Variants in DYNC2I2 observed in about 807,000 individuals in gnomAD.
The protein encoded by DYNC2I2 is cytoplasmic dynein 2 intermediate chain 2.
In DYNC2I2, 39 loss-of-function variants were observed where a neutral mutation model predicts 52.0. The observed-to-expected ratio is 0.75, with a 90% CI of 0.58 to 0.98. The LOEUF (loss-of-function observed/expected upper bound fraction) is 0.98. Among genes scored for constraint, DYNC2I2 ranks in the 50% least tolerant of loss-of-function variants. The pLI is 0.00. For missense variants in DYNC2I2, 743 were observed against 728.4 expected (o/e 1.02, Z -0.23); for synonymous variants, 359 against 321.1 (o/e 1.12, Z -1.26).
At chr9:128,638,895 T>C (rs1860461490) in intron 2 of DYNC2I2, among the ~76,000 whole-genome samples, 1 of 152,192 alleles carries the variant, frequency 6.6e-6, no homozygotes, top group Non-Finnish European at 1.5e-5. Flanking sequence ...ACAACACGCA[T>C]GAACCTATTA....
At chr9:128,657,235 A>G (rs1293700407), upstream of DYNC2I2, among the ~76,000 whole-genome samples, 1 of 152,166 alleles carries the variant, frequency 6.6e-6, no homozygotes, top group Non-Finnish European at 1.5e-5. Flanking sequence ...AAATATTCCT[A>G]CGGAGATCCT....
At chr9:128,647,268 G>A (rs539934204) in intron 1 of DYNC2I2, among the ~76,000 whole-genome samples, 11 of 152,174 alleles carry the variant, frequency 7.2e-5, no homozygotes, top group African/African-American at 1.4e-4. Context: ...TCCATACCCC[G>A]CCACCATGCC....
the DYNC2I2 span, among the ~76,000 whole-genome samples, chr9:128,668,161 ATGT>A: frequency 1.3e-5 from 2 of 151,590 alleles, no homozygotes; most frequent in Non-Finnish European, 2.9e-5. Context: ...GGGTTTCATC[ATGT>A]TGGCCAGGAT....
intron 2 of DYNC2I2, among the ~76,000 whole-genome samples, chr9:128,639,650 A>G (rs1860473951): frequency 1.3e-5 from 2 of 151,798 alleles, no homozygotes; most frequent in African/African-American, 4.8e-5. Flanking sequence ...ACTACCTCAT[A>G]CAGTTTTTTT....
In DYNC2I2 at chr9:128,640,776, G is replaced by A. The variant is rs905345801; in HGVS notation, c.350C>T (p.Ala117Val). Residue 117 changes from alanine (A) to valine (V), a missense_variant, in exon 2 of 9, where the codon GCC becomes GTC. Physicochemically the swap from Ala to Val is moderately conservative, Grantham distance 64 (BLOSUM62 0). Transcript: ENST00000372715. Reference sequence around the variant, plus strand: ...CTTGTTCAGCTCTCGGATGACCATGGCCTCCACTCTCCGAAGAAAGGCTGC... The same window carrying A: ...CTTGTTCAGCTCTCGGATGACCATGACCTCCACTCTCCGAAGAAAGGCTGC... Reference protein sequence around the residue: ...RLAAFLRRVEAMVIRELNKNW... With the variant: ...RLAAFLRRVEVMVIRELNKNW... 2 of 1,614,168 alleles carry A rather than the reference G, an allele frequency of 1.2e-6. No individual in the cohort carries two copies. The highest frequency in any genetic ancestry group is 1.7e-6 in the Non-Finnish European group (2 of 1,180,054).
the DYNC2I2 span, among the ~76,000 whole-genome samples, chr9:128,677,135 A>G: frequency 1.3e-5 from 2 of 151,784 alleles, no homozygotes; most frequent in South Asian, 4.2e-4. Context: ...GGCGTGAGCC[A>G]CCATGCCCAG....
In DYNC2I2 at chr9:128,633,964, T is replaced by TCAAA; in HGVS notation, c.1387_1390dup (p.Asp464ValfsTer2). On this transcript the variant is annotated stop_gained and frameshift_variant, in exon 9 of 9. Coordinates refer to ENST00000372715, the MANE Select transcript of DYNC2I2 (RefSeq NM_052844.4). LOFTEE classifies it high-confidence loss of function. ...GGGTTTCTGGGAGCTTTTCTGGAGA[T>TCAAA]CAAACAGCTGCACGTCACCTGCAAA... 1 of 1,612,912 alleles carries TCAAA rather than the reference T, an allele frequency of 6.2e-7. No homozygotes were observed. Among genetic ancestry groups the TCAAA allele is most frequent in the Non-Finnish European group, 8.5e-7 (1 of 1,180,012 alleles).
chr9:128,684,425 C>G, the DYNC2I2 span, among the ~76,000 whole-genome samples: 4 of 152,152 alleles, frequency 2.6e-5, no homozygotes, highest in African/African-American at 9.7e-5. Context: ...CGGCGGCCCA[C>G]AACTCTGGCC....
chr9:128,666,771 A>AG, the DYNC2I2 span, among the ~76,000 whole-genome samples: 16 of 151,944 alleles, frequency 1.1e-4, no homozygotes, highest in South Asian at 3.3e-3. Context: ...AAAAAAAAAA[A>AG]AAGAAGATAA....
chr9:128,667,016 T>C, the DYNC2I2 span, among the ~76,000 whole-genome samples: 1 of 151,706 alleles, frequency 6.6e-6, no homozygotes, highest in African/African-American at 2.4e-5. Flanking sequence ...CTGGCCAACA[T>C]GGTGAAACCC....
In DYNC2I2 at chr9:128,634,789, T is replaced by C. The variant is rs1589428189; in HGVS notation, c.1114A>G (p.Thr372Ala). 2 of 1,611,752 alleles carry C rather than the reference T, an allele frequency of 1.2e-6. No individual in the cohort carries two copies. The highest frequency in any genetic ancestry group is 1.7e-6 in the Non-Finnish European group (2 of 1,179,260). The change falls in exon 7 of 9, where the codon ACG (threonine) becomes GCG (alanine). Residue 372 changes from threonine to alanine, a missense_variant. Transcript: ENST00000372715. ...AGGGGCACGGAGCTGGGCATCCGCG[T>C]GAGGGCTGCCTCTCCAGCTGCCAGG... ...CSLAAGEAAL[T>A]RMPSSVPLRA... is the part of the protein sequence containing the mutation.
chr9:128,642,009 C>G (rs925544998), intron 1 of DYNC2I2, among the ~76,000 whole-genome samples: 1 of 151,144 alleles, frequency 6.6e-6, no homozygotes, highest in Non-Finnish European at 1.5e-5. Context: ...ACACAAATGC[C>G]GGGCACGGTG....
In DYNC2I2 at chr9:128,633,790, C is replaced by T. The variant is rs373418441; in HGVS notation, c.1565G>A (p.Arg522Gln). Residue 522 changes from arginine to glutamine, a missense_variant, in exon 9 of 9, where the codon CGG becomes CAG. Coordinates refer to ENST00000372715, the MANE Select transcript of DYNC2I2 (RefSeq NM_052844.4). ...CAGGCAGTCCAGGTCCTCAGCTTCC[C>T]GGGGCCCTTGTTCCGTGAACTCTGT... ...LSTEFTEQGP[R>Q]EAEDLDCLAA... 179 of 1,613,480 alleles carry T rather than the reference C, an allele frequency of 1.1e-4. No individual in the cohort carries two copies. The highest frequency in any genetic ancestry group is 1.2e-4 in the Non-Finnish European group (145 of 1,180,050).
intron 7 of DYNC2I2, 140 bp downstream of exon 7, chr9:128,634,549 A>G: frequency 1.6e-6 from 2 of 1,272,012 alleles, no homozygotes; most frequent in South Asian, 1.5e-5. Flanking sequence ...GCCTGGGCCA[A>G]CCACCAAAGA....
the DYNC2I2 span, among the ~76,000 whole-genome samples, chr9:128,668,376 A>G: frequency 6.8e-6 from 1 of 146,074 alleles, no homozygotes; most frequent in Non-Finnish European, 1.5e-5. Flanking sequence ...TTTTTAGTAG[A>G]GACGGGTTTC....
Position 128,649,705 on chromosome 9 carries a change from A to AAAAAAAAAAAAAAAC in DYNC2I2, c.186+6835_186+6836insGTTTTTTTTTTTTTT, listed in dbSNP as rs1564344280. Reference sequence around the variant, plus strand: ...CTCCATCTCAAAAAAAAAAAAAAAAAAAAACTGGGCCAGGTGCAGTGGCTC... The same window carrying AAAAAAAAAAAAAAAC: ...CTCCATCTCAAAAAAAAAAAAAAAAAAAAAAAAAAAAAAACAAAACTGGGCCAGGTGCAGTGGCTC... On this transcript the variant is annotated intron_variant, in intron 1 of 8. Transcript: ENST00000372715. 4.7e-4 allele frequency among the ~76,000 whole-genome samples: 67 copies of AAAAAAAAAAAAAAAC among 143,534 alleles called. 6 individuals are homozygous for AAAAAAAAAAAAAAAC. Among genetic ancestry groups the AAAAAAAAAAAAAAAC allele is most frequent in the African/African-American group, 1.7e-3 (61 of 36,834 alleles). 94.2% of individuals were successfully genotyped at this position (143,534 alleles called of 152,430 possible).
chr9:128,650,526 C>CATATATATAT lies in DYNC2I2; in HGVS notation c.186+6005_186+6014dup, dbSNP rs57194999. 9.4e-4 allele frequency among the ~76,000 whole-genome samples: 39 copies of CATATATATAT among 41,472 alleles called. 12 individuals carry two copies. Among genetic ancestry groups the CATATATATAT allele is most frequent in the African/African-American group, 1.7e-3 (32 of 18,630 alleles). The allele number at this position is 41,472 out of a possible 152,430, so 27.2% of individuals were successfully genotyped here. On this transcript the variant is annotated intron_variant, in intron 1 of 8. Coordinates refer to ENST00000372715, the MANE Select transcript of DYNC2I2 (RefSeq NM_052844.4). ...AGAAAAGTCAAGTCAGGCCAAAGAC[C>CATATATATAT]ATATATATATATATATATATATGCC...
chr9:128,637,964 C>T (rs1407907179), intron 2 of DYNC2I2, among the ~76,000 whole-genome samples: 1 of 152,064 alleles, frequency 6.6e-6, no homozygotes, highest in Non-Finnish European at 1.5e-5. Flanking sequence ...GGGCCGGGCA[C>T]GATGGCTCAC....
chr9:128,648,608 A>G (rs1488356465), intron 1 of DYNC2I2, among the ~76,000 whole-genome samples: 2 of 149,108 alleles, frequency 1.3e-5, no homozygotes, highest in Non-Finnish European at 3.0e-5. Flanking sequence ...CAACATGGTG[A>G]AGCCCTATCT....
Sources: gnomAD v4.1 joint callset for allele counts (sites outside exome capture counted in the v4.1 genomes callset) on GRCh38, gnomAD v4.1.1 for gene constraint, MANE v1.5 for transcripts, NCBI Gene and HGNC (gene_info 2026-07-23, HGNC 2026-07-21) for gene names.